Variants in ATP7B observed in about 807,000 individuals in gnomAD.
ATP7B encodes ATPase copper transporting beta.
Under a neutral mutation model 118.9 loss-of-function variants are expected in ATP7B, and 113 were observed. The observed-to-expected ratio is 0.95, with a 90% CI of 0.82 to 1.11. ATP7B has a LOEUF of 1.11. Ranked by LOEUF, ATP7B falls within the 50% of genes most tolerant of loss-of-function variation. The probability of loss-of-function intolerance (pLI) is 0.00; values close to 1 mark genes in which losing one functional copy is unlikely to be tolerated. For missense variants in ATP7B, 1,867 were observed against 1,871.4 expected (o/e 1.00, Z 0.04); for synonymous variants, 777 against 727.4 (o/e 1.07, Z -1.10).
intron 9 of ATP7B, among the ~76,000 whole-genome samples, chr13:51,956,224 T>C (rs993681085): frequency 6.6e-6 from 1 of 152,208 alleles, no homozygotes; most frequent in Non-Finnish European, 1.5e-5. Flanking sequence ...CTCATGCATC[T>C]GTGTGGCCCC....
chr13:51,966,852 A>G, intron 4 of ATP7B: 1 of 1,613,208 alleles, frequency 6.2e-7, no homozygotes, highest in South Asian at 1.1e-5. Context: ...AAATGGGCGC[A>G]ATGGCCAAGC....
At chr13:52,005,883 C>A (rs1048271994) in intron 1 of ATP7B, among the ~76,000 whole-genome samples, 3 of 152,210 alleles carry the variant, frequency 2.0e-5, no homozygotes, top group Non-Finnish European at 2.9e-5. Context: ...TAAACAAAAT[C>A]TCTGCAGCAC....
intron 14 of ATP7B, 50 bp downstream of exon 14, chr13:51,944,059 A>T: frequency 6.2e-7 from 1 of 1,611,078 alleles, no homozygotes; most frequent in Non-Finnish European, 8.5e-7. Flanking sequence ...CATGGTGAGG[A>T]ATAAAAGAGC....
rs74087004 is a variant in ATP7B at position 51,953,034 on chromosome 13, A to G, written c.2448-2635T>C. Among the ~76,000 whole-genome samples the G allele has an allele frequency of 5.5e-3, 835 of 152,330 alleles. 6 individuals are homozygous for G. Among genetic ancestry groups the G allele is most frequent in the African/African-American group, 0.019 (797 of 41,558 alleles). On this transcript the variant is annotated intron_variant, in intron 9 of 20. Transcript: ENST00000242839. Reference sequence around the variant, plus strand: ...CAGAAAGTTCAATCATGGCAACCAAAATAAATGGAGTACTGAAAAGGAGAC... The same window carrying G: ...CAGAAAGTTCAATCATGGCAACCAAGATAAATGGAGTACTGAAAAGGAGAC...
chr13:51,973,627 C>T (rs1364023475), intron 2 of ATP7B, among the ~76,000 whole-genome samples: 1 of 152,216 alleles, frequency 6.6e-6, no homozygotes, highest in East Asian at 1.9e-4. Flanking sequence ...CAACCTTAGA[C>T]TTCTCAGTAA....
At chr13:51,949,195 T>C (rs554785361) in intron 12 of ATP7B, among the ~76,000 whole-genome samples, 24 of 151,926 alleles carry the variant, frequency 1.6e-4, no homozygotes, top group Admixed American at 5.9e-4. Context: ...AATAAATAAA[T>C]AAACAAACAA....
chr13:51,972,583 T>C (rs1414404912), intron 2 of ATP7B, among the ~76,000 whole-genome samples: 1 of 152,178 alleles, frequency 6.6e-6, no homozygotes, highest in African/African-American at 2.4e-5. Flanking sequence ...CCTGAATGTC[T>C]TTCAAACCCA....
At chr13:51,952,061 G>A (rs1319535841) in intron 9 of ATP7B, among the ~76,000 whole-genome samples, 1 of 152,210 alleles carries the variant, frequency 6.6e-6, no homozygotes, top group African/African-American at 2.4e-5. Context: ...TTTAAAGAAG[G>A]CTTTTGTGAA....
At chr13:51,960,379 C>T (rs187341000) in intron 6 of ATP7B, 57 bp from the exon 7 acceptor site, 22 of 1,574,790 alleles carry the variant, frequency 1.4e-5, no homozygotes, top group Middle Eastern at 4.5e-4. Flanking sequence ...ACCTGGATTA[C>T]AAGCCACTCC....
chr13:52,000,887 G>A (rs1194785984), intron 1 of ATP7B, among the ~76,000 whole-genome samples: 1 of 152,152 alleles, frequency 6.6e-6, no homozygotes, highest in Admixed American at 6.5e-5. Flanking sequence ...GGGCATGGTG[G>A]TGCACACTTG....
At chr13:51,975,220 C>G in intron 1 of ATP7B, 52 bp from the exon 2 acceptor site, 2 of 1,594,888 alleles carry the variant, frequency 1.3e-6, no homozygotes, top group Non-Finnish European at 1.7e-6. Flanking sequence ...ATATTTTCTA[C>G]AACATCCCAG....
rs373193482 is a variant in ATP7B at position 51,944,104 on chromosome 13, C to T, written c.3243+5G>A. 367 of 1,614,040 alleles carry T rather than the reference C, an allele frequency of 2.3e-4. 2 individuals carry two copies. Among genetic ancestry groups the T allele is most frequent in the South Asian group, 2.0e-3 (185 of 91,084 alleles). On this transcript the variant is annotated splice_donor_5th_base_variant and intron_variant, in intron 14 of 20. Transcript: ENST00000242839. ...GAGGGCAGGGCCACGCCCAAGTCCA[C>T]GTACCTCTTTACAGTATTTGGTGAC... is the stretch of plus-strand genomic sequence containing the variant.
chr13:51,943,321 G>A (rs1593668614), intron 14 of ATP7B, among the ~76,000 whole-genome samples: 1 of 152,174 alleles, frequency 6.6e-6, no homozygotes, highest in African/African-American at 2.4e-5. Context: ...GGATGACTGA[G>A]GGTGAGCAAG....
chr13:52,011,260 G>A (rs1039773847), intron 1 of ATP7B, 27 bp downstream of exon 1: 9 of 1,614,176 alleles, frequency 5.6e-6, no homozygotes, highest in Non-Finnish European at 7.6e-6. Flanking sequence ...TGAGCACGCT[G>A]CGCGGACGCG....
chr13:51,943,099 C>T (rs962299471), intron 14 of ATP7B, among the ~76,000 whole-genome samples: 1 of 152,164 alleles, frequency 6.6e-6, no homozygotes, highest in Non-Finnish European at 1.5e-5. Flanking sequence ...GCCCGTCCTC[C>T]CCCAGGCTGT....
chr13:51,975,124 T>C lies in ATP7B; in HGVS notation c.96A>G (p.Ala32=). 1.2e-6 allele frequency: 2 copies of C among 1,614,246 alleles called. No individual in the cohort carries two copies. Among genetic ancestry groups the C allele is most frequent in the Non-Finnish European group, 1.7e-6 (2 of 1,180,042 alleles). Residue 32 remains alanine (A), a synonymous_variant, in exon 2 of 21, where the codon GCA becomes GCG. Coordinates refer to ENST00000242839, the MANE Select transcript of ATP7B (RefSeq NM_000053.4). ...LSLPTRAWEP[A]MKKSFAFDNV... ...TGTCAAAAGCAAAACTCTTCTTCAT[T>C]GCTGGTTCCCAGGCACGGGTAGGCA... is the stretch of plus-strand genomic sequence containing the variant.
In ATP7B at chr13:51,970,601, G is replaced by A; in HGVS notation, c.1434C>T (p.Ser478=). 6.2e-7 allele frequency: 1 copy of A among 1,614,096 alleles called. No homozygotes were observed. Among genetic ancestry groups the A allele is most frequent in the East Asian group, 2.2e-5 (1 of 44,868 alleles). The part of the protein sequence containing the change: ...ANHAPDILAK[S]PQSTRAVAPQ... The stretch of plus-strand genomic sequence containing the variant: ...GTGCCACTGCTCTGGTTGATTGTGG[G>A]GACTTTGCCAAGATGTCCGGGGCAT... Residue 478 remains serine, a synonymous_variant, in exon 3 of 21, where the codon TCC becomes TCT. Coordinates refer to ENST00000242839, the MANE Select transcript of ATP7B (RefSeq NM_000053.4).
chr13:51,961,211 T>A (rs1255698574), intron 6 of ATP7B, among the ~76,000 whole-genome samples: 1 of 151,814 alleles, frequency 6.6e-6, no homozygotes, highest in Admixed American at 6.6e-5. Flanking sequence ...ATTGATTTCA[T>A]TGCTCACTCA....
At chr13:51,952,727 T>C (rs759021424) in intron 9 of ATP7B, among the ~76,000 whole-genome samples, 3 of 152,260 alleles carry the variant, frequency 2.0e-5, no homozygotes, top group Non-Finnish European at 2.9e-5. Context: ...TTGTAAAAAT[T>C]GTTCAGGAAC....
Sources: gnomAD v4.1 joint callset for allele counts (sites outside exome capture counted in the v4.1 genomes callset) on GRCh38, gnomAD v4.1.1 for gene constraint, MANE v1.5 for transcripts, NCBI Gene and HGNC (gene_info 2026-07-23, HGNC 2026-07-21) for gene names.